Variants in CENPP observed in about 807,000 individuals in gnomAD.
CENPP encodes the protein centromere protein P.
Under a neutral mutation model 35.6 loss-of-function variants are expected in CENPP, and 24 were observed. The ratio of observed to expected loss-of-function variants is 0.67; its 90% confidence interval spans 0.49 to 0.95. CENPP has a LOEUF of 0.95. CENPP is among the 40% of genes least tolerant of loss of function. The pLI is 0.00. For synonymous variants in CENPP, 120 were observed against 125.5 expected (o/e 0.96, Z 0.29); for missense variants, 332 against 345.3 (o/e 0.96, Z 0.31).
At chr9:92,516,496 T>C (rs1847731903) in intron 5 of CENPP, among the ~76,000 whole-genome samples, 1 of 152,246 alleles carries the variant, frequency 6.6e-6, no homozygotes, top group Non-Finnish European at 1.5e-5. Context: ...TTACTTGAGA[T>C]ATCAATTCAG....
intron 5 of CENPP, among the ~76,000 whole-genome samples, chr9:92,562,274 G>A (rs1588277449): frequency 7.1e-6 from 1 of 140,638 alleles, no homozygotes; most frequent in Non-Finnish European, 1.5e-5. Context: ...GCGTGATCTT[G>A]GCTCACTGCA....
rs1395121837 is a variant in CENPP at position 92,352,523 on chromosome 9, A to G, written c.467+6736A>G. 1.1e-4 allele frequency among the ~76,000 whole-genome samples: 13 copies of G among 115,022 alleles called. 2 individuals are homozygous for G. Among genetic ancestry groups the G allele is most frequent in the Middle Eastern group, 4.3e-3 (1 of 232 alleles). The allele number at this position is 115,022 out of a possible 152,430, so 75.5% of individuals were successfully genotyped here. On this transcript the variant is annotated intron_variant, in intron 4 of 7. Transcript: ENST00000375587. Reference sequence around the variant, plus strand: ...TGTGTGTGTATACATATATATATATATATATATATATATATAATATAACGG... The same window carrying G: ...TGTGTGTGTATACATATATATATATGTATATATATATATATAATATAACGG...
chr9:92,551,950 T>A (rs1191612692), intron 5 of CENPP, among the ~76,000 whole-genome samples: 2 of 121,518 alleles, frequency 1.6e-5, no homozygotes, highest in South Asian at 2.4e-4. Flanking sequence ...TATATATATA[T>A]ATGATATATA....
intron 4 of CENPP, among the ~76,000 whole-genome samples, chr9:92,349,757 A>ATGTTTG (rs1468535727): frequency 1.6e-4 from 24 of 152,312 alleles, no homozygotes; most frequent in African/African-American, 5.8e-4. Flanking sequence ...TTATCTTTAT[A>ATGTTTG]TATGTTTGTA....
intron 5 of CENPP, among the ~76,000 whole-genome samples, chr9:92,537,804 A>T (rs1363146887): frequency 3.9e-5 from 6 of 152,244 alleles, no homozygotes; most frequent in Non-Finnish European, 8.8e-5. Context: ...AGAAAAGTAA[A>T]TTAAAACAGG....
intron 5 of CENPP, among the ~76,000 whole-genome samples, chr9:92,604,655 C>T (rs543326445): frequency 9.9e-5 from 15 of 152,202 alleles, no homozygotes; most frequent in African/African-American, 2.2e-4. Context: ...AGTACAAGAG[C>T]GTGATCTCAG....
intron 5 of CENPP, among the ~76,000 whole-genome samples, chr9:92,602,694 CTG>C (rs1286265368): frequency 6.6e-6 from 1 of 152,152 alleles, no homozygotes; most frequent in Non-Finnish European, 1.5e-5. Context: ...GGGAAAAACC[CTG>C]TGTGTGTCCA....
chr9:92,452,296 T>C (rs1844735268), intron 5 of CENPP, among the ~76,000 whole-genome samples: 1 of 151,806 alleles, frequency 6.6e-6, no homozygotes, highest in Non-Finnish European at 1.5e-5. Context: ...TTATTGAGAG[T>C]TTTTAGCATG....
chr9:92,481,560 A>G (rs947609096), intron 5 of CENPP, among the ~76,000 whole-genome samples: 1 of 152,192 alleles, frequency 6.6e-6, no homozygotes, highest in Non-Finnish European at 1.5e-5. Context: ...TACATTGCTT[A>G]AATTTTTTAA....
intron 5 of CENPP, among the ~76,000 whole-genome samples, chr9:92,471,200 T>A (rs371472912): frequency 7.5e-6 from 1 of 132,842 alleles, no homozygotes; most frequent in African/African-American, 2.6e-5. Context: ...TTTTTCTTTC[T>A]TTTTTTTTTT....
upstream of CENPP, chr9:92,325,747 C>G (rs1220893302): frequency 4.2e-6 from 2 of 475,030 alleles, no homozygotes; most frequent in African/African-American, 2.1e-5. Context: ...AACGCGCTCT[C>G]CAGAGAAAGT....
intron 5 of CENPP, among the ~76,000 whole-genome samples, chr9:92,408,120 T>C (rs1416744966): frequency 6.6e-6 from 1 of 152,226 alleles, no homozygotes; most frequent in Non-Finnish European, 1.5e-5. Flanking sequence ...CCCATCTTCA[T>C]CTTCATTCTC....
chr9:92,493,199 G>C (rs766626971), intron 5 of CENPP, among the ~76,000 whole-genome samples: 1 of 152,186 alleles, frequency 6.6e-6, no homozygotes, highest in Non-Finnish European at 1.5e-5. Context: ...TTTCTGATGA[G>C]AGCAAAGCTG....
chr9:92,474,482 C>G, intron 5 of CENPP: 1 of 1,225,154 alleles, frequency 8.2e-7, no homozygotes, highest in Non-Finnish European at 1.1e-6. Flanking sequence ...TTGGGGTTTG[C>G]TGTACTTTCC....
intron 5 of CENPP, among the ~76,000 whole-genome samples, chr9:92,603,916 G>A (rs757268228): frequency 2.6e-5 from 4 of 152,156 alleles, no homozygotes; most frequent in South Asian, 2.1e-4. Flanking sequence ...GCCCTGCTCC[G>A]AACTTCATCC....
At chr9:92,467,860 A>G (rs1477180170) in intron 5 of CENPP, among the ~76,000 whole-genome samples, 1 of 152,182 alleles carries the variant, frequency 6.6e-6, no homozygotes, top group African/African-American at 2.4e-5. Context: ...TTTGTTACCA[A>G]CTGGTAAAAT....
At position 92,342,752 on chromosome 9, in the gene CENPP, T is replaced by A. The variant is rs191398353; in HGVS notation, c.379-2947T>A. ...CGTTTCTCTTTATTGCTTACAATTC[T>A]GATATAATAACTTGATGAAAAGTTT... On this transcript the variant is annotated intron_variant, in intron 3 of 7. Transcript: ENST00000375587. Among the ~76,000 whole-genome samples, 12 of 152,248 alleles carry A rather than the reference T, an allele frequency of 7.9e-5. 1 individual carries two copies. The highest frequency in any genetic ancestry group is 2.9e-4 in the African/African-American group (12 of 41,464).
chr9:92,438,420 A>G (rs1289016131), intron 5 of CENPP, among the ~76,000 whole-genome samples: 1 of 152,154 alleles, frequency 6.6e-6, no homozygotes, highest in Non-Finnish European at 1.5e-5. Context: ...GTTCTGTTCT[A>G]TTGCTCTATG....
chr9:92,523,331 G>A (rs72754436), intron 5 of CENPP, among the ~76,000 whole-genome samples: 6,067 of 152,238 alleles, frequency 0.04, 184 homozygotes, highest in South Asian at 0.099. Context: ...TATTTGAGGC[G>A]TCATAGGCTA....
Sources: gnomAD v4.1 joint callset for allele counts (sites outside exome capture counted in the v4.1 genomes callset) on GRCh38, gnomAD v4.1.1 for gene constraint, MANE v1.5 for transcripts, NCBI Gene and HGNC (gene_info 2026-07-23, HGNC 2026-07-21) for gene names.